Variants in CNOT9 observed in about 807,000 individuals in gnomAD.
CNOT9 encodes the protein CCR4-NOT transcription complex subunit 9.
Under a neutral mutation model 37.4 loss-of-function variants are expected in CNOT9, and 8 were observed. That is an observed-to-expected ratio of 0.21 (90% confidence interval 0.13 to 0.39). CNOT9 has a LOEUF of 0.39. CNOT9 is among the 10% of genes least tolerant of loss of function. The pLI is 1.00. For missense variants in CNOT9, 154 were observed against 365.3 expected (o/e 0.42, Z 4.71); for synonymous variants, 120 against 137.6 (o/e 0.87, Z 0.90).
intron 1 of CNOT9, among the ~76,000 whole-genome samples, chr2:218,578,738 G>C (rs1271749559): frequency 6.6e-6 from 1 of 152,080 alleles, no homozygotes; most frequent in Non-Finnish European, 1.5e-5. Context: ...AAATCACCAG[G>C]AATTTGTTAG....
In CNOT9 at chr2:218,595,404, C is replaced by CTTTTTTTTTTTTTTT. The variant is rs57839540; in HGVS notation, c.*1142_*1156dup. 5 of 50,928 alleles carry CTTTTTTTTTTTTTTT rather than the reference C, an allele frequency of 9.8e-5. 1 individual carries two copies. Among genetic ancestry groups the CTTTTTTTTTTTTTTT allele is most frequent in the African/African-American group, 1.9e-4 (3 of 16,114 alleles). 3.2% of individuals were successfully genotyped at this position (50,928 alleles called of 1,614,324 possible). A position where few individuals can be genotyped will look rare whatever the true frequency, so the allele number is the denominator to read the frequency against. ...GAGGGCTGGGTTCTGCTCACTCAGT[C>CTTTTTTTTTTTTTTT]TTTTTTTTTTTTTTTTTTTTTTTTT... On this transcript the variant is annotated 3_prime_UTR_variant, in exon 8 of 8. Transcript: ENST00000273064.
intron 1 of CNOT9, among the ~76,000 whole-genome samples, chr2:218,571,924 C>CAT (rs1694010210): frequency 1.3e-5 from 2 of 151,814 alleles, no homozygotes; most frequent in Admixed American, 6.6e-5. Context: ...CTAACATCTT[C>CAT]ATATATTCAT....
intron 1 of CNOT9, 47 bp downstream of exon 1, chr2:218,569,025 C>T (rs773628439): frequency 3.7e-6 from 6 of 1,605,468 alleles, no homozygotes; most frequent in Non-Finnish European, 5.1e-6. Context: ...CTTTCTCAGA[C>T]CCACGTTTCG....
intron 1 of CNOT9, among the ~76,000 whole-genome samples, chr2:218,576,167 C>A (rs944217756): frequency 6.6e-6 from 1 of 152,154 alleles, no homozygotes; most frequent in African/African-American, 2.4e-5. Context: ...ATTACAGATT[C>A]TTTTTGTGAA....
chr2:218,592,794 G>A lies in CNOT9; in HGVS notation c.731+87G>A. 6 of 1,036,526 alleles carry A rather than the reference G, an allele frequency of 5.8e-6. No homozygotes were observed. The highest frequency in any genetic ancestry group is 7.5e-6 in the Non-Finnish European group (5 of 665,622). The allele number at this position is 1,036,526 out of a possible 1,614,324, so 64.2% of individuals were successfully genotyped here. A position where few individuals can be genotyped will look rare whatever the true frequency, so the allele number is the denominator to read the frequency against. ...TCATGGCATAGCTCCTGTGTCTTTA[G>A]GACAGGGAAGTGGGGATATAACTGC... On this transcript the variant is annotated intron_variant, in intron 7 of 7. Transcript: ENST00000273064. The surrounding 1 kb of genome is among the most constrained non-coding windows in gnomAD (Gnocchi z 4.1).
chr2:218,591,410 G>T (rs369281812), intron 5 of CNOT9, among the ~76,000 whole-genome samples: 1 of 152,172 alleles, frequency 6.6e-6, no homozygotes, highest in Admixed American at 6.6e-5. Flanking sequence ...AAAGAGAAGC[G>T]TGAAAATCTT....
chr2:218,583,399 T>C (rs574987660), intron 3 of CNOT9, among the ~76,000 whole-genome samples: 6 of 152,166 alleles, frequency 3.9e-5, no homozygotes, highest in African/African-American at 9.7e-5. Flanking sequence ...TGACCTGTTA[T>C]TGACACTATG....
intron 4 of CNOT9, 55 bp from the exon 5 acceptor site, chr2:218,587,531 T>C: frequency 6.8e-7 from 1 of 1,475,048 alleles, no homozygotes; most frequent in South Asian, 1.5e-5. Flanking sequence ...TCGAAGTTAA[T>C]GTTAACTGGA....
At position 218,580,608 on chromosome 2, in the gene CNOT9, G is replaced by A; in HGVS notation, c.72G>A (p.Gln24=). The A allele has an allele frequency of 6.2e-7, 1 of 1,613,950 alleles. No homozygotes were observed. The highest frequency in any genetic ancestry group is 8.5e-7 in the Non-Finnish European group (1 of 1,179,858). ...AAGTGGATAGAGAAAAGATCTATCA[G>A]TGGATCAATGAGCTGTCCAGTCCTG... is the stretch of plus-strand genomic sequence containing the variant. ...LAQVDREKIY[Q]WINELSSPET... is the part of the protein sequence containing the mutation. Residue 24 remains glutamine, a synonymous_variant, in exon 2 of 8, where the codon CAG becomes CAA. Coordinates refer to ENST00000273064, the MANE Select transcript of CNOT9 (RefSeq NM_005444.3).
intron 1 of CNOT9, chr2:218,573,894 AC>A (rs2106079240): frequency 3.3e-6 from 1 of 299,300 alleles, no homozygotes; most frequent in Admixed American, 4.4e-5. Context: ...AGGGAGAGTT[AC>A]CACCTAAATT....
At chr2:218,586,818 A>G (rs1229523488) in intron 4 of CNOT9, among the ~76,000 whole-genome samples, 3 of 152,122 alleles carry the variant, frequency 2.0e-5, no homozygotes, top group Admixed American at 6.5e-5. Context: ...TGCTAGAACT[A>G]TGAGACAATA....
chr2:218,576,194 C>G (rs1320536007), intron 1 of CNOT9, among the ~76,000 whole-genome samples: 2 of 152,154 alleles, frequency 1.3e-5, no homozygotes, highest in East Asian at 3.8e-4. Flanking sequence ...GCCTAAATAA[C>G]TCTTGGGATA....
chr2:218,569,211 C>T (rs1195510603), intron 1 of CNOT9, among the ~76,000 whole-genome samples: 3 of 152,194 alleles, frequency 2.0e-5, no homozygotes, highest in Non-Finnish European at 4.4e-5. Context: ...TTTGCGGGCG[C>T]CGGGGCCTGG....
intron 1 of CNOT9, among the ~76,000 whole-genome samples, chr2:218,577,513 G>T (rs1186871843): frequency 6.6e-6 from 1 of 152,180 alleles, no homozygotes; most frequent in Non-Finnish European, 1.5e-5. Flanking sequence ...CTCACAAATT[G>T]GAGTATTGCT....
chr2:218,576,899 G>A (rs556547963), intron 1 of CNOT9, among the ~76,000 whole-genome samples: 6 of 151,972 alleles, frequency 3.9e-5, no homozygotes, highest in Non-Finnish European at 5.9e-5. Context: ...CCTGGGAGGC[G>A]GAGGTTGCAG....
chr2:218,587,948 T>C (rs1297979794), intron 5 of CNOT9, among the ~76,000 whole-genome samples: 1 of 152,200 alleles, frequency 6.6e-6, no homozygotes, highest in African/African-American at 2.4e-5. Context: ...TACGGTTTCA[T>C]TTTTTTAATT....
intron 4 of CNOT9, 136 bp from the exon 5 acceptor site, chr2:218,587,450 G>A: frequency 7.7e-7 from 1 of 1,303,382 alleles, no homozygotes; most frequent in Non-Finnish European, 9.8e-7. Flanking sequence ...ATACGAGTGT[G>A]AATCTGATTC....
intron 1 of CNOT9, among the ~76,000 whole-genome samples, chr2:218,579,337 A>G (rs761469203): frequency 4.5e-4 from 69 of 152,354 alleles, no homozygotes; most frequent in Non-Finnish European, 7.8e-4. Context: ...AACATTTTAT[A>G]TGCTCTTCTG....
At chr2:218,583,261 C>T (rs1162426553) in intron 3 of CNOT9, among the ~76,000 whole-genome samples, 175 bp downstream of exon 3, 1 of 136,574 alleles carries the variant, frequency 7.3e-6, no homozygotes. Flanking sequence ...CTCTCTCTCT[C>T]TCTCTCTCTC....
Sources: allele counts gnomAD v4.1 joint callset (sites outside exome capture counted in the v4.1 genomes callset), GRCh38; gene constraint gnomAD v4.1.1; non-coding constraint Gnocchi (gnomAD v3.1); transcripts MANE v1.5; gene names NCBI Gene and HGNC (gene_info 2026-07-23, HGNC 2026-07-21).